Variants in SH3BP4 observed in about 807,000 individuals in gnomAD.
The protein encoded by SH3BP4 is SH3 domain binding protein 4, also known as SH3 domain-binding protein 4.
Under a neutral mutation model 65.5 loss-of-function variants are expected in SH3BP4, and 33 were observed. The ratio of observed to expected loss-of-function variants is 0.50; its 90% CI spans 0.38 to 0.67. The LOEUF (loss-of-function observed/expected upper bound fraction) is 0.67, where lower values mean the gene tolerates loss of function less well. Ranked by LOEUF, SH3BP4 falls within the 30% of genes least tolerant of loss-of-function variation. SH3BP4 has a pLI of 0.00. For missense variants in SH3BP4, 1,134 were observed against 1,261.4 expected, an observed-to-expected ratio of 0.90 and a Z score of 1.53; for synonymous variants, 552 against 545.5, an observed-to-expected ratio of 1.01 and a Z score of -0.17.
chr2:235,046,230 C>T lies in SH3BP4; in HGVS notation c.2478+2983C>T, dbSNP rs1447499560. Among the ~76,000 whole-genome samples, 2 of 152,204 alleles carry T rather than the reference C, an allele frequency of 1.3e-5. No homozygotes were observed. The highest frequency in any genetic ancestry group is 2.9e-5 in the Non-Finnish European group (2 of 68,046). The stretch of plus-strand genomic sequence containing the variant: ...CAGGACGTCCTTCTCTGCAGCCCCG[C>T]GCACTCCATCATCCTCTGTCTCCAT... On this transcript the variant is annotated intron_variant, in intron 4 of 5. Transcript: ENST00000392011. This position sits in a 1 kb window ranked among gnomAD's most constrained non-coding sequence, Gnocchi z 4.2.
At chr2:235,050,130 T>C (rs7564723) in intron 4 of SH3BP4, among the ~76,000 whole-genome samples, 31,844 of 151,862 alleles carry the variant, frequency 0.21, 3,690 homozygotes, top group East Asian at 0.42. Flanking sequence ...CTTTTCTTTT[T>C]TTTGAGACGG....
chr2:234,973,228 C>T (rs1693048373), intron 1 of SH3BP4, among the ~76,000 whole-genome samples: 1 of 152,154 alleles, frequency 6.6e-6, no homozygotes, highest in South Asian at 2.1e-4. Context: ...GCAGTGCTGA[C>T]GTCGCCCACA....
intron 2 of SH3BP4, among the ~76,000 whole-genome samples, chr2:235,022,660 A>T (rs1694879851): frequency 6.6e-6 from 1 of 152,122 alleles, no homozygotes; most frequent in Non-Finnish European, 1.5e-5. Context: ...GCTTTTCTTG[A>T]CCTGCTAGTT....
intron 1 of SH3BP4, among the ~76,000 whole-genome samples, chr2:234,975,719 C>T (rs529460995): frequency 1.3e-5 from 2 of 152,076 alleles, no homozygotes; most frequent in Admixed American, 6.5e-5. Context: ...CTGCAAAAAA[C>T]ATGAAAATTA....
At position 235,035,443 on chromosome 2, in the gene SH3BP4, T is replaced by C; in HGVS notation, c.118+323T>C. Among the ~76,000 whole-genome samples, 1 of 152,166 alleles carries C rather than the reference T, an allele frequency of 6.6e-6. No individual in the cohort carries two copies. The highest frequency in any genetic ancestry group is 6.5e-5 in the Admixed American group (1 of 15,280). ...GAGAGTGTGGCAAGTAGATGAAATA[T>C]TGAGAACCACTAGAGAAGAAAAAAG... On this transcript the variant is annotated intron_variant, in intron 3 of 5. Coordinates refer to ENST00000392011, the MANE Select transcript of SH3BP4 (RefSeq NM_014521.3). The surrounding 1 kb of genome is among the most constrained non-coding windows in gnomAD (Gnocchi z 5.0).
intron 1 of SH3BP4, among the ~76,000 whole-genome samples, chr2:234,968,045 T>A (rs1692884144): frequency 6.6e-6 from 1 of 151,956 alleles, no homozygotes; most frequent in African/African-American, 2.4e-5. Flanking sequence ...CACACCCAGG[T>A]CCACCTGGTT....
chr2:234,968,892 T>C (rs902965418), intron 1 of SH3BP4, among the ~76,000 whole-genome samples: 3 of 152,262 alleles, frequency 2.0e-5, no homozygotes, highest in African/African-American at 7.2e-5. Context: ...TTTTATTTTA[T>C]GCAAACAGTG....
intron 1 of SH3BP4, among the ~76,000 whole-genome samples, chr2:234,988,164 A>G (rs1024351144): frequency 6.6e-6 from 1 of 151,984 alleles, no homozygotes; most frequent in Admixed American, 6.6e-5. Flanking sequence ...GGTTCAAGCA[A>G]TTCTCCTGCC....
intron 1 of SH3BP4, among the ~76,000 whole-genome samples, chr2:234,983,634 T>C (rs1484851447): frequency 6.6e-6 from 1 of 152,242 alleles, no homozygotes; most frequent in East Asian, 1.9e-4. Flanking sequence ...TTGAAGGCTC[T>C]TGAGATGGTG....
Position 235,035,077 on chromosome 2 carries a change from C to T in SH3BP4, c.75C>T (p.Asp25=). The T allele has an allele frequency of 6.2e-7, 1 of 1,614,080 alleles. No individual in the cohort carries two copies. Among genetic ancestry groups the T allele is most frequent in the South Asian group, 1.1e-5 (1 of 91,060 alleles). ...PRCKSEGTLI[D]LSEGFSETSF... is the part of the protein sequence containing the mutation. The stretch of plus-strand genomic sequence containing the variant: ...GCAAGTCAGAGGGGACCCTGATTGA[C>T]CTGAGCGAAGGGTTTTCAGAGACGA... Residue 25 remains aspartate, a synonymous_variant, in exon 3 of 6, where the codon GAC becomes GAT. Transcript: ENST00000392011. The surrounding 1 kb of genome is among the most constrained non-coding windows in gnomAD (Gnocchi z 5.0).
At chr2:234,975,967 C>G (rs1165771932) in intron 1 of SH3BP4, among the ~76,000 whole-genome samples, 2 of 152,240 alleles carry the variant, frequency 1.3e-5, no homozygotes, top group Non-Finnish European at 2.9e-5. Context: ...ACTTCTCTGC[C>G]TAAAAGAAGC....
intron 3 of SH3BP4, among the ~76,000 whole-genome samples, chr2:235,039,741 C>A (rs1252794179): frequency 1.3e-5 from 2 of 152,108 alleles, no homozygotes; most frequent in African/African-American, 4.8e-5. Flanking sequence ...TTTGCTGTTT[C>A]ATTTGCCGTC....
At chr2:234,955,449 A>T (rs1692565042) in intron 1 of SH3BP4, among the ~76,000 whole-genome samples, 1 of 152,144 alleles carries the variant, frequency 6.6e-6, no homozygotes, top group African/African-American at 2.4e-5. Context: ...CAGGAAGCCG[A>T]AACCAGCTCC....
chr2:234,990,472 C>T (rs918912642), intron 1 of SH3BP4, among the ~76,000 whole-genome samples: 3 of 152,232 alleles, frequency 2.0e-5, no homozygotes, highest in Non-Finnish European at 4.4e-5. Flanking sequence ...GTGGGTTGGA[C>T]TTTTGGGCCC....
At chr2:235,047,850 G>A (rs1486204523) in intron 4 of SH3BP4, among the ~76,000 whole-genome samples, 3 of 152,164 alleles carry the variant, frequency 2.0e-5, no homozygotes, top group East Asian at 1.9e-4. Flanking sequence ...GGAAATAGGC[G>A]TGTCGGGCTC....
At chr2:234,959,105 A>C (rs1346522530) in intron 1 of SH3BP4, among the ~76,000 whole-genome samples, 1 of 152,100 alleles carries the variant, frequency 6.6e-6, no homozygotes, top group African/African-American at 2.4e-5. Flanking sequence ...ACTTTTTCCC[A>C]CTAGCCTTTG....
In SH3BP4 at chr2:235,028,978, G is replaced by A. The variant is rs145664035; in HGVS notation, c.-132-5893G>A. Among the ~76,000 whole-genome samples, 161 of 152,300 alleles carry A rather than the reference G, an allele frequency of 1.1e-3. 1 individual carries two copies. The highest frequency in any genetic ancestry group is 0.01 in the Middle Eastern group (3 of 294). On this transcript the variant is annotated intron_variant, in intron 2 of 5. Transcript: ENST00000392011. Reference sequence around the variant, plus strand: ...GGCTTCTAGGGCACTGGAAGCTGCTGATGAGAGCCCAGGAGCCTTTGGAGG... The same window carrying A: ...GGCTTCTAGGGCACTGGAAGCTGCTAATGAGAGCCCAGGAGCCTTTGGAGG...
At chr2:234,995,116 C>T (rs1693871356) in intron 1 of SH3BP4, among the ~76,000 whole-genome samples, 187 bp from the exon 2 acceptor site, 1 of 152,212 alleles carries the variant, frequency 6.6e-6, no homozygotes, top group Non-Finnish European at 1.5e-5. Context: ...GGCCACTCTC[C>T]AGAGTTGGCT....
chr2:234,998,179 TTG>T (rs967053959), intron 2 of SH3BP4, among the ~76,000 whole-genome samples: 1 of 152,076 alleles, frequency 6.6e-6, no homozygotes, highest in African/African-American at 2.4e-5. Flanking sequence ...CCGGCTGCAT[TTG>T]TGTGTCCCCT....
Sources: gnomAD v4.1 joint callset for allele counts (sites outside exome capture counted in the v4.1 genomes callset) on GRCh38, gnomAD v4.1.1 for gene constraint, Gnocchi (gnomAD v3.1) non-coding constraint, MANE v1.5 for transcripts, NCBI Gene and HGNC (gene_info 2026-07-23, HGNC 2026-07-21) for gene names.